Variants in NDUFS1 observed in about 807,000 individuals in gnomAD.
The protein encoded by NDUFS1 is NADH-ubiquinone oxidoreductase 75 kDa subunit, mitochondrial.
A neutral mutation model predicts 84.4 loss-of-function variants in NDUFS1; 61 were observed. That is an observed-to-expected ratio of 0.72 (90% CI 0.59 to 0.89). The LOEUF (loss-of-function observed/expected upper bound fraction) is 0.89, where lower values mean the gene tolerates loss of function less well. Ranked by LOEUF, NDUFS1 falls within the 40% of genes least tolerant of loss-of-function variation. The pLI is 0.00. For synonymous variants in NDUFS1, 275 were observed against 290.0 expected (o/e 0.95, Z 0.53); for missense variants, 891 against 890.0 (o/e 1.00, Z -0.01).
At chr2:206,126,004 A>T (rs1287529167) in intron 18 of NDUFS1, among the ~76,000 whole-genome samples, 1 of 152,236 alleles carries the variant, frequency 6.6e-6, no homozygotes, top group African/African-American at 2.4e-5. Context: ...TAAAAAAATT[A>T]AGAGTTCTAT....
chr2:206,130,301 AT>A (rs1306184324), intron 14 of NDUFS1, 59 bp from the exon 15 acceptor site: 38 of 1,585,490 alleles, frequency 2.4e-5, no homozygotes, highest in Non-Finnish European at 3.2e-5. Context: ...AAAAAATTAA[AT>A]GTGATTTTTG....
chr2:206,142,124 A>T (rs1691986994), intron 11 of NDUFS1, 55 bp from the exon 12 acceptor site: 1 of 1,449,230 alleles, frequency 6.9e-7, no homozygotes, highest in African/African-American at 1.4e-5. Flanking sequence ...ACATACAGAG[A>T]ATCCATGAAA....
chr2:206,149,641 CTATG>C (rs1692291816), intron 4 of NDUFS1, 173 bp downstream of exon 4: 1 of 624,264 alleles, frequency 1.6e-6, no homozygotes. Flanking sequence ...GCACTTCTAT[CTATG>C]TGTTTCCAGT....
rs1691049389 is a variant in NDUFS1, at chr2:206,119,855, C to T, written c.*4330G>A. The stretch of plus-strand genomic sequence containing the variant: ...AAGAGTTGGGGGTCTTGTTATGTTG[C>T]TGATATGGTTTGGATGGCTGTCACT... On this transcript the variant is annotated 3_prime_UTR_variant, in exon 19 of 19. Transcript: ENST00000233190. 6.6e-6 allele frequency: 1 copy of T among 151,510 alleles called. No homozygotes were observed. Among genetic ancestry groups the T allele is most frequent in the Admixed American group, 6.6e-5 (1 of 15,160 alleles). The allele number at this position is 151,510 out of a possible 1,614,324, so 9.4% of individuals were successfully genotyped here. A position where few individuals can be genotyped will look rare whatever the true frequency, so the allele number is the denominator to read the frequency against.
chr2:206,145,183 C>T lies in NDUFS1; in HGVS notation c.738-157G>A, dbSNP rs12465229. On this transcript the variant is annotated intron_variant, in intron 8 of 18. Transcript: ENST00000233190. The stretch of plus-strand genomic sequence containing the variant: ...AACTGCAATTAAATAAAAGAACCCC[C>T]CACCTTTTTTTTTGCCCTGGGGTCT... Among the ~76,000 whole-genome samples the T allele has an allele frequency of 0.056, 8,582 of 152,062 alleles. 320 individuals carry two copies. Among genetic ancestry groups the T allele is most frequent in the African/African-American group, 0.1 (4,233 of 41,460 alleles).
intron 16 of NDUFS1, chr2:206,127,589 T>C (rs1178216190): frequency 3.5e-6 from 2 of 568,920 alleles, no homozygotes; most frequent in African/African-American, 1.9e-5. Flanking sequence ...GGTCTTGCTC[T>C]GTCCCTCAGG....
intron 16 of NDUFS1, chr2:206,127,473 A>C (rs1691337990): frequency 4.0e-6 from 1 of 249,304 alleles, no homozygotes; most frequent in African/African-American, 2.3e-5. Flanking sequence ...AGCTGAGATC[A>C]CGCCACTGCA....
At position 206,140,943 on chromosome 2, in the gene NDUFS1, T is replaced by TATATACACACACACACACACAC. The variant is rs367723817; in HGVS notation, c.1262+997_1262+998insGTGTGTGTGTGTGTGTGTATAT. ...GTGTGTATATATATATATATATATA[T>TATATACACACACACACACACAC]ACACACACACTGAGAATCATAATAC... On this transcript the variant is annotated intron_variant, in intron 12 of 18. Coordinates refer to ENST00000233190, the MANE Select transcript of NDUFS1 (RefSeq NM_005006.7). 7.2e-3 allele frequency among the ~76,000 whole-genome samples: 977 copies of TATATACACACACACACACACAC among 136,050 alleles called. 8 individuals are homozygous for TATATACACACACACACACACAC. The highest frequency in any genetic ancestry group is 0.016 in the African/African-American group (590 of 35,948). 89.3% of individuals were successfully genotyped at this position (136,050 alleles called of 152,430 possible).
In NDUFS1 at chr2:206,126,748, C is replaced by T; in HGVS notation, c.1981G>A (p.Gly661Arg). Residue 661 changes from glycine (G) to arginine (R), a missense_variant, in exon 17 of 19, where the codon GGG becomes AGG. Transcript: ENST00000233190. ...TTTGCTTGCTGGAAGTAATTAGCCC[C>T]TTCAATATCATCATATCGAACAAGA... is the stretch of plus-strand genomic sequence containing the variant. Reference protein sequence around the residue: ...PNLVRYDDIEGANYFQQANEL... With the variant: ...PNLVRYDDIERANYFQQANEL... 1.2e-6 allele frequency: 2 copies of T among 1,614,166 alleles called. No homozygotes were observed. The highest frequency in any genetic ancestry group is 1.1e-5 in the South Asian group (1 of 91,086).
chr2:206,130,037 A>G (rs369571755), intron 15 of NDUFS1, 51 bp downstream of exon 15: 247 of 1,604,510 alleles, frequency 1.5e-4, no homozygotes, highest in Admixed American at 2.7e-4. Context: ...GGTTTCTAAC[A>G]TACATAATGT....
At chr2:206,133,735 T>C (rs1362684628) in intron 13 of NDUFS1, among the ~76,000 whole-genome samples, 1 of 152,194 alleles carries the variant, frequency 6.6e-6, no homozygotes, top group African/African-American at 2.4e-5. Flanking sequence ...CCCAACACTT[T>C]GGGAGGCTGA....
chr2:206,155,261 G>A (rs1687604553), intron 1 of NDUFS1, among the ~76,000 whole-genome samples: 1 of 150,966 alleles, frequency 6.6e-6, no homozygotes, highest in Admixed American at 6.6e-5. Flanking sequence ...CGGGACAGGT[G>A]TGTACCACCA....
chr2:206,153,728 T>C (rs1434434200), intron 1 of NDUFS1, 46 bp from the exon 2 acceptor site: 1 of 1,022,172 alleles, frequency 9.8e-7, no homozygotes, highest in South Asian at 1.4e-5. Context: ...AAAAAAACAA[T>C]CACCAACTGT....
chr2:206,136,241 G>C (rs905605600), intron 13 of NDUFS1, among the ~76,000 whole-genome samples: 5 of 150,244 alleles, frequency 3.3e-5, no homozygotes, highest in African/African-American at 1.2e-4. Flanking sequence ...TTAAGCAGAA[G>C]CGGGGTTTCA....
rs1691984451 is a variant in NDUFS1, at chr2:206,142,079, CAA to C, written c.1134-12_1134-11del. ...GGAACGCAAATCTGTGCTAGAAATA[CAA>C]TATATAAAATGCAAATTTACTTTAA... On this transcript the variant is annotated splice_polypyrimidine_tract_variant and intron_variant, in intron 11 of 18. Transcript: ENST00000233190. 1.3e-6 allele frequency: 2 copies of C among 1,578,622 alleles called. No individual in the cohort carries two copies.
intron 13 of NDUFS1, among the ~76,000 whole-genome samples, chr2:206,135,817 AT>A (rs1224185999): frequency 6.6e-5 from 10 of 152,118 alleles, no homozygotes; most frequent in South Asian, 6.2e-4. Context: ...TTTAATCATA[AT>A]TTTTTTTCTA....
rs149206963 is a variant in NDUFS1, at chr2:206,142,985, C to T, written c.988-154G>A. Among the ~76,000 whole-genome samples the T allele has an allele frequency of 1.6e-3, 245 of 152,384 alleles. 1 individual carries two copies. Among genetic ancestry groups the T allele is most frequent in the African/African-American group, 5.0e-3 (209 of 41,600 alleles). The stretch of plus-strand genomic sequence containing the variant: ...TTTACAACATGCCCAGGCACACTGG[C>T]TCATGCCTGTAATCCCAGTACTTTG... On this transcript the variant is annotated intron_variant, in intron 10 of 18. Coordinates refer to ENST00000233190, the MANE Select transcript of NDUFS1 (RefSeq NM_005006.7).
At position 206,153,671 on chromosome 2, in the gene NDUFS1, C is replaced by G; in HGVS notation, c.8G>C (p.Arg3Thr). Residue 3 changes from arginine (R) to threonine (T), a missense_variant, in exon 2 of 19, where the codon AGG becomes ACG. Arg to Thr is a moderately conservative substitution (Grantham distance 71, BLOSUM62 -1). Transcript: ENST00000233190. MLRIPVRKALVGL... is the reference protein window; with the variant it reads MLTIPVRKALVGL... ...TACTAAGGCCTTTCTTACAGGTATC[C>G]TTAACATATTGCTAAAAATAAAACA... is the stretch of plus-strand genomic sequence containing the variant. The G allele has an allele frequency of 6.7e-7, 1 of 1,489,356 alleles. No individual in the cohort carries two copies. Among genetic ancestry groups the G allele is most frequent in the Non-Finnish European group, 9.3e-7 (1 of 1,075,344 alleles). 92.3% of individuals were successfully genotyped at this position (1,489,356 alleles called of 1,614,324 possible).
In NDUFS1 at chr2:206,116,525, G is replaced by A; in HGVS notation, c.*7660C>T. 9.1e-7 allele frequency: 1 copy of A among 1,095,838 alleles called. No individual in the cohort carries two copies. The highest frequency in any genetic ancestry group is 1.4e-5 in the South Asian group (1 of 73,808). The allele number at this position is 1,095,838 out of a possible 1,614,324, so 67.9% of individuals were successfully genotyped here. ...TGTTCCCAGGGGTGCGGGGATGGCA[G>A]CGCTACGCCTCAGCCACTCGCGCGG... is the stretch of plus-strand genomic sequence containing the variant. On this transcript the variant is annotated 3_prime_UTR_variant, in exon 19 of 19. Transcript: ENST00000233190.
Sources: gnomAD v4.1 joint callset for allele counts (sites outside exome capture counted in the v4.1 genomes callset) on GRCh38, gnomAD v4.1.1 for gene constraint, MANE v1.5 for transcripts, NCBI Gene and HGNC (gene_info 2026-07-23, HGNC 2026-07-21) for gene names.